WIPI2: variants seen among roughly 807,000 people sequenced by gnomAD.
WIPI2 encodes WD repeat domain phosphoinositide-interacting protein 2.
In WIPI2, 28 loss-of-function variants were observed where a neutral mutation model predicts 52.3. The observed-to-expected ratio is 0.54, with a 90% CI of 0.40 to 0.73. WIPI2 has a LOEUF of 0.73. WIPI2 is among the 30% of genes least tolerant of loss of function. The pLI is 0.00. For missense variants in WIPI2, 506 were observed against 602.9 expected, an observed-to-expected ratio of 0.84 and a Z score of 1.68; for synonymous variants, 268 against 245.0, an observed-to-expected ratio of 1.09 and a Z score of -0.88.
At chr7:5,193,741 A>G (rs967225533) in intron 2 of WIPI2, among the ~76,000 whole-genome samples, 6 of 149,346 alleles carry the variant, frequency 4.0e-5, no homozygotes, top group African/African-American at 1.5e-4. Flanking sequence ...CACCTGGCTA[A>G]TTTTTTTTTT....
chr7:5,208,534 A>T (rs751386451), intron 3 of WIPI2, among the ~76,000 whole-genome samples: 1 of 151,904 alleles, frequency 6.6e-6, no homozygotes, highest in Non-Finnish European at 1.5e-5. Flanking sequence ...AAAGCTTTAT[A>T]TAGTTAACAC....
chr7:5,207,303 C>G (rs1215944409), intron 3 of WIPI2, among the ~76,000 whole-genome samples: 3 of 152,206 alleles, frequency 2.0e-5, no homozygotes, highest in Non-Finnish European at 4.4e-5. Context: ...TCTCATACTT[C>G]CTTCCAGTCT....
At chr7:5,221,015 G>A (rs1181314947) in intron 7 of WIPI2, among the ~76,000 whole-genome samples, 1 of 139,588 alleles carries the variant, frequency 7.2e-6, no homozygotes, top group East Asian at 2.1e-4. Flanking sequence ...CCAGGCTCAA[G>A]TGCAGTGGTA....
At chr7:5,226,164 C>A (rs970167742) in intron 9 of WIPI2, 18 of 515,462 alleles carry the variant, frequency 3.5e-5, no homozygotes, top group African/African-American at 2.3e-4. Context: ...AGAGCCCTCG[C>A]GTAGGGCATG....
chr7:5,227,981 C>G lies in WIPI2; in HGVS notation c.1014-123C>G. The G allele has an allele frequency of 1.1e-6, 1 of 875,668 alleles. No homozygotes were observed. Among genetic ancestry groups the G allele is most frequent in the South Asian group, 1.4e-5 (1 of 70,386 alleles). The allele number at this position is 875,668 out of a possible 1,614,324, so 54.2% of individuals were successfully genotyped here. Reference sequence around the variant, plus strand: ...AGGTCAGTGGGGCGCCAGACACCTGCAGCTGCCCTTGTGCTCATCTTGCTG... The same window carrying G: ...AGGTCAGTGGGGCGCCAGACACCTGGAGCTGCCCTTGTGCTCATCTTGCTG... On this transcript the variant is annotated intron_variant, in intron 10 of 12. Transcript: ENST00000288828. The surrounding 1 kb of genome is among the most constrained non-coding windows in gnomAD (Gnocchi z 8.1).
chr7:5,205,206 C>T (rs1203231739), intron 3 of WIPI2, among the ~76,000 whole-genome samples: 1 of 152,142 alleles, frequency 6.6e-6, no homozygotes, highest in Non-Finnish European at 1.5e-5. Flanking sequence ...GAACTCCTGA[C>T]CTCAGGTTAT....
intron 3 of WIPI2, among the ~76,000 whole-genome samples, chr7:5,211,452 A>T (rs1320909550): frequency 3.9e-5 from 6 of 152,192 alleles, no homozygotes; most frequent in African/African-American, 1.4e-4. Flanking sequence ...AGCCTGGGCA[A>T]CAAAAGCAAA....
intron 3 of WIPI2, 119 bp downstream of exon 3, chr7:5,199,777 C>T: frequency 1.0e-6 from 1 of 985,504 alleles, no homozygotes; most frequent in South Asian, 1.6e-5. Context: ...CTTACCAGTC[C>T]TCTGCTTCCA....
At chr7:5,202,361 T>C (rs1414850148) in intron 3 of WIPI2, among the ~76,000 whole-genome samples, 1 of 152,198 alleles carries the variant, frequency 6.6e-6, no homozygotes. Flanking sequence ...CAGATAGGCT[T>C]TGCACATTGT....
chr7:5,225,401 A>C (rs1240326092), intron 8 of WIPI2, among the ~76,000 whole-genome samples: 1 of 152,150 alleles, frequency 6.6e-6, no homozygotes, highest in Non-Finnish European at 1.5e-5. Context: ...TTGGCCTCCC[A>C]AAGTGCTGGG....
chr7:5,229,590 T>C lies in WIPI2; in HGVS notation c.1122-18T>C. The C allele has an allele frequency of 6.2e-7, 1 of 1,610,382 alleles. No individual in the cohort carries two copies. Among genetic ancestry groups the C allele is most frequent in the Non-Finnish European group, 8.5e-7 (1 of 1,178,574 alleles). ...CCCTGTGTGGAGACGCTGAGCTGTG[T>C]CGCTTTCTTCCCTCCAGGCTGGACG... On this transcript the variant is annotated intron_variant, in intron 11 of 12. Coordinates refer to ENST00000288828, the MANE Select transcript of WIPI2 (RefSeq NM_015610.4).
intron 9 of WIPI2, 198 bp from the exon 10 acceptor site, chr7:5,226,982 C>A: frequency 1.5e-6 from 1 of 658,888 alleles, no homozygotes; most frequent in Non-Finnish European, 2.5e-6. Context: ...GAGCACCCCT[C>A]CCCCGACACC....
intron 1 of WIPI2, among the ~76,000 whole-genome samples, chr7:5,192,041 G>A (rs1438219349): frequency 1.3e-5 from 2 of 152,164 alleles, no homozygotes; most frequent in East Asian, 3.8e-4. Flanking sequence ...TGTTCTTTCT[G>A]CTCTGCCATG....
Position 5,227,018 on chromosome 7 carries a change from CT to C in WIPI2, c.849-161del. The C allele has an allele frequency of 1.1e-6, 1 of 938,724 alleles. No individual in the cohort carries two copies. Among genetic ancestry groups the C allele is most frequent in the Non-Finnish European group, 1.6e-6 (1 of 630,918 alleles). The allele number at this position is 938,724 out of a possible 1,614,324, so 58.1% of individuals were successfully genotyped here. A position where few individuals can be genotyped will look rare whatever the true frequency, so the allele number is the denominator to read the frequency against. ...TCCCAGAGGAAGCTCCGTGATGCCC[CT>C]GGGGCCCTGAGTGTCTGCTTATAAC... On this transcript the variant is annotated intron_variant, in intron 9 of 12. Transcript: ENST00000288828. This position sits in a 1 kb window ranked among gnomAD's most constrained non-coding sequence, Gnocchi z 8.1.
In WIPI2 at chr7:5,230,425, T is replaced by TA. The variant is rs1220635512; in HGVS notation, c.1253-410_1253-409insA. 2.6e-5 allele frequency among the ~76,000 whole-genome samples: 4 copies of TA among 152,154 alleles called. No individual in the cohort carries two copies. Among genetic ancestry groups the TA allele is most frequent in the African/African-American group, 9.7e-5 (4 of 41,420 alleles). On this transcript the variant is annotated intron_variant, in intron 12 of 12. Coordinates refer to ENST00000288828, the MANE Select transcript of WIPI2 (RefSeq NM_015610.4). The surrounding 1 kb of genome is among the most constrained non-coding windows in gnomAD (Gnocchi z 4.8). ...GCACTCCAGTGGGAGAGCCTGTGGT[T>TA]TTGCACCCACGCAGGGCTGTGCCTG...
intron 3 of WIPI2, among the ~76,000 whole-genome samples, chr7:5,207,272 T>C (rs1782341100): frequency 6.6e-6 from 1 of 152,214 alleles, no homozygotes; most frequent in African/African-American, 2.4e-5. Context: ...TATCAAGGTT[T>C]ACCATCACTC....
intron 1 of WIPI2, among the ~76,000 whole-genome samples, 164 bp from the exon 2 acceptor site, chr7:5,192,954 C>T (rs895246577): frequency 6.6e-6 from 1 of 151,986 alleles, no homozygotes; most frequent in African/African-American, 2.4e-5. Context: ...CTTTTAAATT[C>T]TTTTTGTATT....
At chr7:5,209,624 A>G (rs1272286353) in intron 3 of WIPI2, among the ~76,000 whole-genome samples, 1 of 152,168 alleles carries the variant, frequency 6.6e-6, no homozygotes, top group Non-Finnish European at 1.5e-5. Context: ...ATCGTCTCAT[A>G]CTGTTCTCAC....
At chr7:5,229,204 A>G (rs1181285314) in intron 11 of WIPI2, among the ~76,000 whole-genome samples, 1 of 151,896 alleles carries the variant, frequency 6.6e-6, no homozygotes, top group Non-Finnish European at 1.5e-5. Context: ...TTTAGTAGAG[A>G]CGGGGTTTCA....
Sources: allele counts gnomAD v4.1 joint callset (sites outside exome capture counted in the v4.1 genomes callset), GRCh38; gene constraint gnomAD v4.1.1; non-coding constraint Gnocchi (gnomAD v3.1); transcripts MANE v1.5; gene names NCBI Gene and HGNC (gene_info 2026-07-23, HGNC 2026-07-21).